CCDC187: variants seen among roughly 807,000 people sequenced by gnomAD.
CCDC187 encodes coiled-coil domain containing 187.
In CCDC187, 32 loss-of-function variants were observed where a neutral mutation model predicts 38.0. The ratio of observed to expected loss-of-function variants is 0.84; its 90% CI spans 0.64 to 1.13. The LOEUF is 1.13. Among genes scored for constraint, CCDC187 ranks in the 50% most tolerant of loss-of-function variants. The probability of loss-of-function intolerance (pLI) is 0.00; values close to 1 mark genes in which losing one functional copy is unlikely to be tolerated. For synonymous variants in CCDC187, 333 were observed against 347.9 expected, an observed-to-expected ratio of 0.96 and a Z score of 0.48; for missense variants, 707 against 786.8, an observed-to-expected ratio of 0.90 and a Z score of 1.21.
intron 2 of CCDC187, among the ~76,000 whole-genome samples, chr9:136,301,359 AG>A (rs1222080255): frequency 2.6e-5 from 1 of 38,766 alleles, no homozygotes; most frequent in African/African-American, 9.3e-5. Flanking sequence ...CACTGATAGG[AG>A]GTCCCCAGAG....
At chr9:136,293,778 G>A (rs1284364003) in intron 4 of CCDC187, among the ~76,000 whole-genome samples, 6 of 150,272 alleles carry the variant, frequency 4.0e-5, no homozygotes, top group African/African-American at 9.8e-5. Flanking sequence ...GCTCACACAC[G>A]GTCTCATCCT....
intron 3 of CCDC187, among the ~76,000 whole-genome samples, chr9:136,299,112 G>A (rs955559794): frequency 5.0e-4 from 76 of 152,294 alleles, no homozygotes; most frequent in African/African-American, 1.8e-3. Flanking sequence ...GGGTCCCCCT[G>A]GAAGGCGGAG....
intron 4 of CCDC187, among the ~76,000 whole-genome samples, chr9:136,293,755 TAC>T (rs1564324831): frequency 6.9e-6 from 1 of 144,806 alleles, no homozygotes; most frequent in Non-Finnish European, 1.5e-5. Flanking sequence ...CACACACTTG[TAC>T]ACACTGACAT....
In CCDC187 at chr9:136,258,304, C is replaced by G. The variant is rs1473358451; in HGVS notation, c.4366+628G>C. Among the ~76,000 whole-genome samples, 1 of 152,114 alleles carries G rather than the reference C, an allele frequency of 6.6e-6. No homozygotes were observed. The highest frequency in any genetic ancestry group is 1.5e-5 in the Non-Finnish European group (1 of 68,002). On this transcript the variant is annotated intron_variant, in intron 22 of 25. Transcript: ENST00000638797. This position sits in a 1 kb window ranked among gnomAD's most constrained non-coding sequence, Gnocchi z 4.3. Reference sequence around the variant, plus strand: ...TCTCCCTGGCCCCAACGGCAGGGACCCCCCAGTCTATGCCACCCCCCTTGG... The same window carrying G: ...TCTCCCTGGCCCCAACGGCAGGGACGCCCCAGTCTATGCCACCCCCCTTGG...
rs1347022207 is a variant in CCDC187 at position 136,257,910 on chromosome 9, G to A, written c.4366+1022C>T. 6.6e-6 allele frequency among the ~76,000 whole-genome samples: 1 copy of A among 152,216 alleles called. No homozygotes were observed. Among genetic ancestry groups the A allele is most frequent in the Non-Finnish European group, 1.5e-5 (1 of 68,032 alleles). ...AGACTCAGGGTGAACCCTAGACCAC[G>A]TGAGAACATAAGTCAGGCCTCAGGC... On this transcript the variant is annotated intron_variant, in intron 22 of 25. Transcript: ENST00000638797. The surrounding 1 kb of genome is among the most constrained non-coding windows in gnomAD (Gnocchi z 4.5).
Position 136,251,436 on chromosome 9 carries a change from G to C in CCDC187, c.*2158C>G, listed in dbSNP as rs1588646120. The C allele has an allele frequency of 2.6e-5, 5 of 191,348 alleles. No homozygotes were observed. Among genetic ancestry groups the C allele is most frequent in the Non-Finnish European group, 5.6e-5 (5 of 89,982 alleles). The allele number at this position is 191,348 out of a possible 1,614,324, so 11.9% of individuals were successfully genotyped here. A position where few individuals can be genotyped will look rare whatever the true frequency, so the allele number is the denominator to read the frequency against. On this transcript the variant is annotated 3_prime_UTR_variant, in exon 26 of 26. Transcript: ENST00000638797. Reference sequence around the variant, plus strand: ...GCTTCCTCTGGTCTGTGCAGCTCAGGTGTGAGACATCCATGCCCAGTCCAC... The same window carrying C: ...GCTTCCTCTGGTCTGTGCAGCTCAGCTGTGAGACATCCATGCCCAGTCCAC...
chr9:136,289,774 A>T (rs1226873280), intron 7 of CCDC187, among the ~76,000 whole-genome samples, 185 bp downstream of exon 7: 1 of 152,180 alleles, frequency 6.6e-6, no homozygotes, highest in African/African-American at 2.4e-5. Flanking sequence ...GAACAAGCAC[A>T]GTGGTGACCG....
At chr9:136,288,153 G>A (rs1831225900) in intron 7 of CCDC187, among the ~76,000 whole-genome samples, 1 of 152,036 alleles carries the variant, frequency 6.6e-6, no homozygotes, top group African/African-American at 2.4e-5. Flanking sequence ...TTGGGAAGGG[G>A]GTGGCATGGC....
chr9:136,269,397 C>G (rs1237951737), intron 14 of CCDC187, among the ~76,000 whole-genome samples: 1 of 152,228 alleles, frequency 6.6e-6, no homozygotes, highest in Non-Finnish European at 1.5e-5. Context: ...CGCCTGTAAT[C>G]CCAGCACTTT....
At chr9:136,269,387 C>T (rs955392355) in intron 14 of CCDC187, among the ~76,000 whole-genome samples, 5 of 152,218 alleles carry the variant, frequency 3.3e-5, no homozygotes, top group African/African-American at 7.2e-5. Context: ...CGGTGGCTCA[C>T]GCCTGTAATC....
At chr9:136,281,248 G>C in intron 10 of CCDC187, 1 of 397,208 alleles carries the variant, frequency 2.5e-6, no homozygotes, top group Non-Finnish European at 4.4e-6. Context: ...TGATGGGACT[G>C]TAAGGAAGCG....
chr9:136,274,326 C>T (rs1283906958), intron 14 of CCDC187, among the ~76,000 whole-genome samples: 1 of 152,248 alleles, frequency 6.6e-6, no homozygotes, highest in Non-Finnish European at 1.5e-5. Context: ...TCAGGCTGGT[C>T]CCCCAGCTCT....
At chr9:136,290,228 G>A (rs1247690450) in intron 6 of CCDC187, among the ~76,000 whole-genome samples, 175 bp from the exon 7 acceptor site, 3 of 152,108 alleles carry the variant, frequency 2.0e-5, no homozygotes, top group Admixed American at 6.5e-5. Context: ...GGGTCCCTCC[G>A]GAGCCCCGTT....
At position 136,257,148 on chromosome 9, in the gene CCDC187, G is replaced by GC. The variant is rs1830622626; in HGVS notation, c.4367-308dup. ...CCAGCACTCTGGGAGGCCGAGGCGG[G>GC]CGGATCACAAGGTCAGGAGTTCGAG... On this transcript the variant is annotated intron_variant, in intron 22 of 25. Transcript: ENST00000638797. The surrounding 1 kb of genome is among the most constrained non-coding windows in gnomAD (Gnocchi z 4.5). 1.3e-5 allele frequency among the ~76,000 whole-genome samples: 2 copies of GC among 152,316 alleles called. No individual in the cohort carries two copies. Among genetic ancestry groups the GC allele is most frequent in the South Asian group, 4.1e-4 (2 of 4,826 alleles).
chr9:136,269,540 C>T (rs1162522127), intron 14 of CCDC187, among the ~76,000 whole-genome samples: 2 of 151,984 alleles, frequency 1.3e-5, no homozygotes, highest in Non-Finnish European at 2.9e-5. Flanking sequence ...CCCAGGTACT[C>T]GGGAGGCTGA....
rs548332696 is a variant in CCDC187, at chr9:136,253,444, G to A, written c.*150C>T. ...GCCCTGGGAGCCCTCCAGGGGCACT[G>A]CCTGACCCCTCACACGACGAGTGCC... On this transcript the variant is annotated 3_prime_UTR_variant, in exon 26 of 26. Coordinates refer to ENST00000638797, the MANE Select transcript of CCDC187 (RefSeq NM_001378188.1). 1.2e-5 allele frequency: 3 copies of A among 246,406 alleles called. No homozygotes were observed. The South Asian group carries it at 4.5e-4, about 37-fold the overall frequency. 15.3% of individuals were successfully genotyped at this position (246,406 alleles called of 1,614,324 possible).
intron 19 of CCDC187, among the ~76,000 whole-genome samples, chr9:136,260,810 G>A (rs1217220099): frequency 6.6e-6 from 1 of 152,202 alleles, no homozygotes; most frequent in Non-Finnish European, 1.5e-5. Context: ...GTGGCCCTAA[G>A]GGCCTGGAAA....
At chr9:136,269,828 G>A (rs1830809988) in intron 14 of CCDC187, among the ~76,000 whole-genome samples, 1 of 152,158 alleles carries the variant, frequency 6.6e-6, no homozygotes, top group African/African-American at 2.4e-5. Flanking sequence ...GGCAGAGAAG[G>A]ACATTAGAAG....
chr9:136,284,949 G>A (rs1831138705), intron 9 of CCDC187, among the ~76,000 whole-genome samples: 1 of 152,174 alleles, frequency 6.6e-6, no homozygotes, highest in Non-Finnish European at 1.5e-5. Flanking sequence ...TGGGGCTGCA[G>A]GCGCTGGGGT....
Sources: allele counts gnomAD v4.1 joint callset (sites outside exome capture counted in the v4.1 genomes callset), GRCh38; gene constraint gnomAD v4.1.1; non-coding constraint Gnocchi (gnomAD v3.1); transcripts MANE v1.5; gene names NCBI Gene and HGNC (gene_info 2026-07-23, HGNC 2026-07-21).